Variants in ERG observed in about 807,000 individuals in gnomAD.
ERG encodes the protein ETS transcription factor ERG.
ERG carries 9 observed loss-of-function variants against 55.3 expected under a neutral mutation model. The ratio of observed to expected loss-of-function variants is 0.16; its 90% CI spans 0.10 to 0.28. The LOEUF (loss-of-function observed/expected upper bound fraction) is 0.28, where lower values mean the gene tolerates loss of function less well. Among genes scored for constraint, ERG ranks in the 10% least tolerant of loss-of-function variants. The pLI is 1.00. For synonymous variants in ERG, 223 were observed against 237.3 expected (o/e 0.94, Z 0.55); for missense variants, 434 against 631.6 (o/e 0.69, Z 3.35).
intron 1 of ERG, among the ~76,000 whole-genome samples, chr21:38,624,918 T>C (rs996159871): frequency 2.6e-5 from 4 of 152,222 alleles, no homozygotes; most frequent in Non-Finnish European, 4.4e-5. Context: ...ATATCCCCAG[T>C]ATTTAGCAAA....
At chr21:38,398,732 C>T (rs1193081142) in intron 6 of ERG, among the ~76,000 whole-genome samples, 1 of 152,118 alleles carries the variant, frequency 6.6e-6, no homozygotes, top group Non-Finnish European at 1.5e-5. Flanking sequence ...AAAGCAGCTC[C>T]AGGACCCACT....
chr21:38,572,784 T>C (rs1333609579), intron 2 of ERG, among the ~76,000 whole-genome samples: 1 of 152,200 alleles, frequency 6.6e-6, no homozygotes, highest in African/African-American at 2.4e-5. Context: ...ATTTCATATA[T>C]TGACATCAAC....
At chr21:38,561,467 T>C (rs2059892427) in intron 2 of ERG, among the ~76,000 whole-genome samples, 1 of 152,080 alleles carries the variant, frequency 6.6e-6, no homozygotes. Flanking sequence ...TTTTTTTTTT[T>C]TTTCAAACAA....
chr21:38,648,054 A>G (rs879608837), intron 1 of ERG, among the ~76,000 whole-genome samples: 1 of 152,236 alleles, frequency 6.6e-6, no homozygotes, highest in African/African-American at 2.4e-5. Flanking sequence ...AAAGCCCATT[A>G]CAAATAGGCT....
chr21:38,424,182 C>T (rs1569087107), intron 2 of ERG, among the ~76,000 whole-genome samples: 1 of 61,148 alleles, frequency 1.6e-5, no homozygotes, highest in African/African-American at 1.2e-4. Flanking sequence ...GAGACCAGAG[C>T]TCGAGCTCTC....
At chr21:38,647,171 A>G (rs1487234206) in intron 1 of ERG, among the ~76,000 whole-genome samples, 1 of 152,156 alleles carries the variant, frequency 6.6e-6, no homozygotes, top group East Asian at 1.9e-4. Flanking sequence ...TTGTTTTCTC[A>G]TTATCAGTTT....
intron 2 of ERG, among the ~76,000 whole-genome samples, chr21:38,506,042 A>G (rs2059458310): frequency 6.6e-6 from 1 of 151,412 alleles, no homozygotes; most frequent in African/African-American, 2.4e-5. Context: ...AAAAATTTGG[A>G]TTGTTCATTA....
At chr21:38,645,380 A>T (rs2060449750) in intron 1 of ERG, among the ~76,000 whole-genome samples, 2 of 152,148 alleles carry the variant, frequency 1.3e-5, no homozygotes, top group African/African-American at 4.8e-5. Context: ...CATACATTGC[A>T]ATGTATCATC....
At chr21:38,533,754 T>A (rs957534733) in intron 2 of ERG, among the ~76,000 whole-genome samples, 3 of 152,170 alleles carry the variant, frequency 2.0e-5, no homozygotes, top group Non-Finnish European at 1.5e-5. Flanking sequence ...GCAAAGGGCG[T>A]AAACTAACGT....
chr21:38,415,689 T>A (rs771389347), intron 3 of ERG, among the ~76,000 whole-genome samples: 3 of 152,170 alleles, frequency 2.0e-5, no homozygotes, highest in Non-Finnish European at 2.9e-5. Context: ...CACCCAGTTG[T>A]GCAAGTGTTC....
intron 1 of ERG, among the ~76,000 whole-genome samples, chr21:38,496,777 G>A (rs1045203033): frequency 6.6e-6 from 1 of 152,008 alleles, no homozygotes. Flanking sequence ...AACACATTTG[G>A]ATGTTTTGCA....
At chr21:38,471,172 G>C (rs904754111) in intron 1 of ERG, 5 of 152,194 alleles carry the variant, frequency 3.3e-5, no homozygotes, top group African/African-American at 1.2e-4. Context: ...TCTGTCATTT[G>C]ATTTAAATAT....
In ERG at chr21:38,457,330, G is replaced by A. The variant is rs557552649; in HGVS notation, c.19-11709C>T. 6.6e-4 allele frequency among the ~76,000 whole-genome samples: 101 copies of A among 152,142 alleles called. 2 individuals are homozygous for A. Among genetic ancestry groups the A allele is most frequent in the African/African-American group, 2.0e-3 (83 of 41,496 alleles). On this transcript the variant is annotated intron_variant, in intron 1 of 9. Transcript: ENST00000288319. ...ACATGCCTGTAGTCCCAGCTACTCA[G>A]GAGGCTGAGGCAGGAGAATCGCTTG...
chr21:38,440,180 G>T (rs2058826899), intron 2 of ERG, among the ~76,000 whole-genome samples: 2 of 152,236 alleles, frequency 1.3e-5, no homozygotes, highest in African/African-American at 4.8e-5. Context: ...TAAGAGGAGG[G>T]ACAATTAGAA....
chr21:38,652,500 A>G (rs2836597), intron 1 of ERG, among the ~76,000 whole-genome samples: 68,817 of 151,892 alleles, frequency 0.45, 15,964 homozygotes, highest in Middle Eastern at 0.58. Flanking sequence ...GAAGCTAAAG[A>G]GAAACAAGGG....
At chr21:38,476,519 C>T (rs1485636967) in intron 1 of ERG, among the ~76,000 whole-genome samples, 2 of 152,184 alleles carry the variant, frequency 1.3e-5, no homozygotes, top group African/African-American at 4.8e-5. Flanking sequence ...GATGACGGCT[C>T]CAATGGCCAT....
chr21:38,567,199 G>A (rs192127395), intron 2 of ERG, among the ~76,000 whole-genome samples: 2 of 152,296 alleles, frequency 1.3e-5, no homozygotes, highest in East Asian at 3.9e-4. Flanking sequence ...TGGCCCTGGA[G>A]GGTGCCCAGC....
chr21:38,451,520 A>G (rs1342010664), intron 1 of ERG, among the ~76,000 whole-genome samples: 4 of 152,220 alleles, frequency 2.6e-5, no homozygotes, highest in Admixed American at 2.6e-4. Flanking sequence ...AGCCTATGCC[A>G]CTTTGGGCGG....
chr21:38,457,324 T>C (rs28665228), intron 1 of ERG, among the ~76,000 whole-genome samples: 19,356 of 151,900 alleles, frequency 0.13, 1,335 homozygotes, highest in South Asian at 0.21. Context: ...TAGTCCCAGC[T>C]ACTCAGGAGG....
Sources: gnomAD v4.1 joint callset for allele counts (sites outside exome capture counted in the v4.1 genomes callset) on GRCh38, gnomAD v4.1.1 for gene constraint, MANE v1.5 for transcripts, NCBI Gene and HGNC (gene_info 2026-07-23, HGNC 2026-07-21) for gene names.